FAM227B: variants seen among roughly 807,000 people sequenced by gnomAD.
FAM227B encodes protein FAM227B.
Under a neutral mutation model 73.8 loss-of-function variants are expected in FAM227B, and 88 were observed. The ratio of observed to expected loss-of-function variants is 1.19; its 90% CI spans 1.00 to 1.42. FAM227B has a LOEUF of 1.42. Ranked by LOEUF, FAM227B falls within the 40% of genes most tolerant of loss-of-function variation. FAM227B has a pLI of 0.00. For synonymous variants in FAM227B, 210 were observed against 190.5 expected, an observed-to-expected ratio of 1.10 and a Z score of -0.84; for missense variants, 632 against 590.9, an observed-to-expected ratio of 1.07 and a Z score of -0.72.
intron 13 of FAM227B, among the ~76,000 whole-genome samples, chr15:49,355,225 A>G (rs1222485760): frequency 6.6e-6 from 1 of 152,248 alleles, no homozygotes; most frequent in African/African-American, 2.4e-5. Context: ...CAGCAAAGGA[A>G]CAAAGCTGGA....
At chr15:49,418,693 T>C (rs2049384548) in intron 11 of FAM227B, among the ~76,000 whole-genome samples, 2 of 152,132 alleles carry the variant, frequency 1.3e-5, no homozygotes, top group African/African-American at 4.8e-5. Flanking sequence ...CTATGCTTAG[T>C]GCTTCGGTGA....
At chr15:49,581,336 T>G (rs962787601) in intron 5 of FAM227B, among the ~76,000 whole-genome samples, 1 of 152,046 alleles carries the variant, frequency 6.6e-6, no homozygotes, top group Admixed American at 6.5e-5. Context: ...TATTCTTTTT[T>G]TTTTTTTTGA....
chr15:49,595,784 G>T lies in FAM227B; in HGVS notation c.106-5777C>A, dbSNP rs988473417. Among the ~76,000 whole-genome samples the T allele has an allele frequency of 2.0e-5, 3 of 151,298 alleles. No homozygotes were observed. The East Asian group carries it at 5.8e-4, about 29-fold the overall frequency. ...ATCATAAATAAAAATCACAAATTCT[G>T]GAATGAAAGACACACTTAGAAAAAC... is the stretch of plus-strand genomic sequence containing the variant. On this transcript the variant is annotated intron_variant, in intron 3 of 15. Transcript: ENST00000299338.
At chr15:49,579,201 G>T (rs2075658024) in intron 5 of FAM227B, among the ~76,000 whole-genome samples, 1 of 152,088 alleles carries the variant, frequency 6.6e-6, no homozygotes, top group Admixed American at 6.5e-5. Flanking sequence ...TACTATTGGT[G>T]GGAATGTAAA....
intron 3 of FAM227B, among the ~76,000 whole-genome samples, chr15:49,593,811 C>T (rs2076729057): frequency 6.6e-6 from 1 of 152,146 alleles, no homozygotes. Context: ...TATATGTACA[C>T]CACATTTTAT....
chr15:49,386,413 C>A (rs1433631416), intron 11 of FAM227B, among the ~76,000 whole-genome samples: 1 of 147,834 alleles, frequency 6.8e-6, no homozygotes, highest in African/African-American at 2.7e-5. Flanking sequence ...TCTGGGTTAA[C>A]AATGAAATCA....
intron 11 of FAM227B, among the ~76,000 whole-genome samples, chr15:49,405,000 CTCACT>C (rs1296810378): frequency 6.6e-6 from 1 of 152,070 alleles, no homozygotes; most frequent in Admixed American, 6.6e-5. Flanking sequence ...TTATTTCTCC[CTCACT>C]TATGGAGCTA....
chr15:49,527,547 A>G lies in FAM227B; in HGVS notation c.874+14133T>C, dbSNP rs112289466. Reference sequence around the variant, plus strand: ...GCGAGAAATAATAGAAGACACCCAAATTGGAAAAAAGGTCAAATTATTTGT... The same window carrying G: ...GCGAGAAATAATAGAAGACACCCAAGTTGGAAAAAAGGTCAAATTATTTGT... On this transcript the variant is annotated intron_variant, in intron 10 of 15. Coordinates refer to ENST00000299338, the MANE Select transcript of FAM227B (RefSeq NM_152647.3). Among the ~76,000 whole-genome samples, 1,045 of 151,974 alleles carry G rather than the reference A, an allele frequency of 6.9e-3. 20 individuals carry two copies. Among genetic ancestry groups the G allele is most frequent in the African/African-American group, 0.024 (999 of 41,524 alleles).
At chr15:49,377,511 T>C (rs931501779) in intron 11 of FAM227B, among the ~76,000 whole-genome samples, 2 of 152,024 alleles carry the variant, frequency 1.3e-5, no homozygotes, top group South Asian at 4.1e-4. Context: ...CTTTTCTCCA[T>C]ATCCTTGCCT....
chr15:49,576,567 A>G (rs2075455588), intron 7 of FAM227B, 174 bp downstream of exon 7: 2 of 554,830 alleles, frequency 3.6e-6, no homozygotes, highest in South Asian at 4.4e-5. Flanking sequence ...AGTTTAATAT[A>G]TTCTTTTCTG....
chr15:49,564,852 G>T (rs1231478714), intron 9 of FAM227B, among the ~76,000 whole-genome samples: 1 of 151,688 alleles, frequency 6.6e-6, no homozygotes, highest in East Asian at 1.9e-4. Context: ...GAAGAGGGAG[G>T]TGTTGGGGGT....
At chr15:49,441,084 G>C (rs769076437) in intron 11 of FAM227B, among the ~76,000 whole-genome samples, 6 of 151,694 alleles carry the variant, frequency 4.0e-5, no homozygotes, top group Non-Finnish European at 5.9e-5. Flanking sequence ...AAATGAATGA[G>C]TAAATAAGAT....
chr15:49,619,687 T>G (rs749774021), intron 1 of FAM227B, among the ~76,000 whole-genome samples: 7 of 152,358 alleles, frequency 4.6e-5, no homozygotes, highest in Admixed American at 2.6e-4. Context: ...ACAAGTAGTA[T>G]TATTTGCTTT....
chr15:49,360,298 A>G (rs1227917849), intron 13 of FAM227B, among the ~76,000 whole-genome samples: 1 of 152,112 alleles, frequency 6.6e-6, no homozygotes, highest in East Asian at 1.9e-4. Flanking sequence ...GTTTATAGTA[A>G]CATTGTACTC....
intron 12 of FAM227B, among the ~76,000 whole-genome samples, chr15:49,371,082 T>C (rs926260130): frequency 3.3e-5 from 5 of 152,144 alleles, no homozygotes; most frequent in Admixed American, 2.6e-4. Context: ...ATAAATATTA[T>C]GATATTTTTC....
At chr15:49,399,666 T>G (rs1408973476) in intron 11 of FAM227B, among the ~76,000 whole-genome samples, 33 of 150,352 alleles carry the variant, frequency 2.2e-4, no homozygotes, top group Non-Finnish European at 3.9e-4. Context: ...CAAGTGGGCT[T>G]CATCCCTGGG....
intron 10 of FAM227B, among the ~76,000 whole-genome samples, chr15:49,514,599 G>A (rs2059257603): frequency 6.6e-6 from 1 of 151,946 alleles, no homozygotes; most frequent in Non-Finnish European, 1.5e-5. Flanking sequence ...TTTTTAAATT[G>A]AGATGTTTGA....
At chr15:49,394,347 G>A (rs1409379237) in intron 11 of FAM227B, among the ~76,000 whole-genome samples, 1 of 152,128 alleles carries the variant, frequency 6.6e-6, no homozygotes, top group Non-Finnish European at 1.5e-5. Flanking sequence ...GGAATTTGTG[G>A]AGGTTCTCAT....
chr15:49,499,513 G>A (rs2057961120), intron 11 of FAM227B, among the ~76,000 whole-genome samples: 1 of 152,104 alleles, frequency 6.6e-6, no homozygotes, highest in Non-Finnish European at 1.5e-5. Context: ...AAATAAAGAT[G>A]CCCGAGTATA....
Sources: allele counts gnomAD v4.1 joint callset (sites outside exome capture counted in the v4.1 genomes callset), GRCh38; gene constraint gnomAD v4.1.1; transcripts MANE v1.5; gene names NCBI Gene and HGNC (gene_info 2026-07-23, HGNC 2026-07-21).